OR2L13: variants seen among roughly 807,000 people sequenced by gnomAD.
OR2L13 encodes the protein olfactory receptor 2L13.
A neutral mutation model predicts 15.3 loss-of-function variants in OR2L13; 14 were observed. The observed-to-expected ratio is 0.91, with a 90% CI of 0.60 to 1.43. The LOEUF (loss-of-function observed/expected upper bound fraction) is 1.43, where lower values mean the gene tolerates loss of function less well. OR2L13 is among the 40% of genes most tolerant of loss of function. The pLI is 0.00. For missense variants in OR2L13, 367 were observed against 387.9 expected, an observed-to-expected ratio of 0.95 and a Z score of 0.45; for synonymous variants, 152 against 142.9, an observed-to-expected ratio of 1.06 and a Z score of -0.45.
At chr1:247,990,857 C>A in the OR2L13 span, 1 of 1,547,654 alleles carries the variant, frequency 6.5e-7, no homozygotes, top group Non-Finnish European at 8.9e-7. Flanking sequence ...TATGAGTGCA[C>A]GGTGTTTTTG....
the OR2L13 span, among the ~76,000 whole-genome samples, chr1:248,026,823 A>G: frequency 1.3e-5 from 2 of 152,276 alleles, no homozygotes; most frequent in African/African-American, 2.4e-5. Flanking sequence ...TAATCTCTTA[A>G]TCCCATCATC....
chr1:247,966,377 T>C, the OR2L13 span: 1 of 1,556,560 alleles, frequency 6.4e-7, no homozygotes, highest in African/African-American at 1.4e-5. Flanking sequence ...TCCTGAAAAC[T>C]ATCTGGAAAG....
chr1:248,038,892 C>T, the OR2L13 span: 1 of 1,614,174 alleles, frequency 6.2e-7, no homozygotes, highest in Non-Finnish European at 8.5e-7. Flanking sequence ...TCTTGTGCTT[C>T]CTTTCACTGG....
chr1:247,980,073 T>G, the OR2L13 span, among the ~76,000 whole-genome samples: 90 of 152,250 alleles, frequency 5.9e-4, 1 homozygote, highest in African/African-American at 2.0e-3. Context: ...TAATGTTACT[T>G]TTTCAAGATA....
At chr1:247,975,277 C>A in the OR2L13 span, 11 of 446,346 alleles carry the variant, frequency 2.5e-5, no homozygotes, top group East Asian at 4.7e-4. Context: ...CATGGTGACT[C>A]TGGCCTTCGT....
the OR2L13 span, among the ~76,000 whole-genome samples, chr1:248,014,094 G>T: frequency 6.6e-6 from 1 of 152,058 alleles, no homozygotes; most frequent in Non-Finnish European, 1.5e-5. Context: ...TACTTGGTTG[G>T]TGATTTTTTG....
At chr1:248,000,118 T>TGG in the OR2L13 span, among the ~76,000 whole-genome samples, 5,507 of 131,436 alleles carry the variant, frequency 0.042, 315 homozygotes, top group African/African-American at 0.17. Context: ...TCTTTTTTTT[T>TGG]TTTTGGTGTG....
the OR2L13 span, among the ~76,000 whole-genome samples, chr1:248,007,260 A>G: frequency 3.3e-5 from 5 of 152,200 alleles, no homozygotes; most frequent in Non-Finnish European, 7.3e-5. Flanking sequence ...TGTATAGGCA[A>G]TGGTGATCCT....
At chr1:247,981,809 T>A in the OR2L13 span, among the ~76,000 whole-genome samples, 1 of 151,452 alleles carries the variant, frequency 6.6e-6, no homozygotes, top group Admixed American at 6.6e-5. Context: ...AGACTGCTCA[T>A]AATAACAATT....
chr1:247,979,553 G>A, the OR2L13 span, among the ~76,000 whole-genome samples: 2 of 151,820 alleles, frequency 1.3e-5, no homozygotes, highest in African/African-American at 4.9e-5. Context: ...TTTTTATCCA[G>A]TCTATTATTG....
the OR2L13 span, among the ~76,000 whole-genome samples, chr1:247,974,167 A>G: frequency 1.3e-5 from 2 of 152,198 alleles, no homozygotes; most frequent in Admixed American, 6.5e-5. Flanking sequence ...TCTCTAGCCA[A>G]CTAACACAGG....
chr1:247,988,886 A>C, the OR2L13 span, among the ~76,000 whole-genome samples: 1 of 152,220 alleles, frequency 6.6e-6, no homozygotes, highest in East Asian at 1.9e-4. Context: ...AGATTACATT[A>C]TACTTTATGG....
the OR2L13 span, among the ~76,000 whole-genome samples, chr1:247,985,590 A>G: frequency 6.6e-6 from 1 of 152,280 alleles, no homozygotes; most frequent in African/African-American, 2.4e-5. Flanking sequence ...GTGTCTTTAT[A>G]GTAGCATGAT....
the OR2L13 span, among the ~76,000 whole-genome samples, chr1:247,982,592 G>A: frequency 6.6e-6 from 1 of 152,120 alleles, no homozygotes; most frequent in Non-Finnish European, 1.5e-5. Context: ...TGATTATGTA[G>A]TATATTAAAT....
upstream of OR2L13, among the ~76,000 whole-genome samples, chr1:248,090,264 A>G (rs1410486488): frequency 1.3e-5 from 2 of 152,174 alleles, no homozygotes; most frequent in African/African-American, 4.8e-5. Flanking sequence ...GTGTTTGCTA[A>G]CACAGAAGCT....
the OR2L13 span, among the ~76,000 whole-genome samples, chr1:248,072,657 C>T: frequency 6.6e-6 from 1 of 151,722 alleles, no homozygotes; most frequent in African/African-American, 2.4e-5. Flanking sequence ...AGCTTCTGCA[C>T]AGCAAAAGAA....
upstream of OR2L13, among the ~76,000 whole-genome samples, chr1:248,094,249 G>A (rs1428117311): frequency 1.3e-5 from 2 of 151,852 alleles, no homozygotes; most frequent in Non-Finnish European, 2.9e-5. Flanking sequence ...AAAGAACATG[G>A]ATATTAATTT....
the OR2L13 span, among the ~76,000 whole-genome samples, chr1:247,995,870 A>G: frequency 2.0e-4 from 30 of 152,240 alleles, no homozygotes; most frequent in African/African-American, 4.3e-4. Flanking sequence ...AATGTTTTCC[A>G]GATCCCGAAT....
At chr1:247,975,783 A>T in the OR2L13 span, 2 of 380,324 alleles carry the variant, frequency 5.3e-6, no homozygotes, top group East Asian at 4.1e-5. Flanking sequence ...AAAATTTTTT[A>T]AAATTGAGTC....
Sources: gnomAD v4.1 joint callset for allele counts (sites outside exome capture counted in the v4.1 genomes callset) on GRCh38, gnomAD v4.1.1 for gene constraint, MANE v1.5 for transcripts, NCBI Gene and HGNC (gene_info 2026-07-23, HGNC 2026-07-21) for gene names.